CRB1: variants seen among roughly 807,000 people sequenced by gnomAD.
CRB1 encodes the protein crumbs cell polarity complex component 1, also known as protein crumbs homolog 1.
A neutral mutation model predicts 120.0 loss-of-function variants in CRB1; 83 were observed. The observed-to-expected ratio is 0.69, with a 90% CI of 0.58 to 0.83. The LOEUF is 0.83. Ranked by LOEUF, CRB1 falls within the 40% of genes least tolerant of loss-of-function variation. CRB1 has a pLI of 0.00. For synonymous variants in CRB1, 625 were observed against 612.5 expected (o/e 1.02, Z -0.30); for missense variants, 1,699 against 1,687.6 (o/e 1.01, Z -0.12).
At chr1:197,441,316 G>C (rs1397195045) in intron 10 of CRB1, 1 of 152,100 alleles carries the variant, frequency 6.6e-6, no homozygotes, top group Admixed American at 6.5e-5. Flanking sequence ...AATATCCACT[G>C]TGTGACTGAA....
intron 1 of CRB1, among the ~76,000 whole-genome samples, chr1:197,292,541 C>A (rs1364373813): frequency 6.6e-6 from 1 of 152,056 alleles, no homozygotes; most frequent in Non-Finnish European, 1.5e-5. Flanking sequence ...AAGAGGGAAT[C>A]CTCCCTAACT....
intron 5 of CRB1, among the ~76,000 whole-genome samples, chr1:197,386,723 A>C (rs951003367): frequency 6.6e-6 from 1 of 152,152 alleles, no homozygotes; most frequent in African/African-American, 2.4e-5. Context: ...GAAGGGGAGA[A>C]TATACATGGG....
At chr1:197,378,081 TG>T (rs1293084085) in intron 5 of CRB1, among the ~76,000 whole-genome samples, 3 of 152,222 alleles carry the variant, frequency 2.0e-5, no homozygotes, top group Non-Finnish European at 4.4e-5. Flanking sequence ...TTTGTTGACA[TG>T]TAAGTTTTCT....
intron 1 of CRB1, among the ~76,000 whole-genome samples, chr1:197,327,249 GA>G (rs1658571235): frequency 6.6e-6 from 1 of 151,968 alleles, no homozygotes; most frequent in Admixed American, 6.6e-5. Context: ...AAAAGTCAAT[GA>G]AAAGATTGAT....
the CRB1 span, among the ~76,000 whole-genome samples, chr1:197,229,192 C>T: frequency 2.0e-5 from 3 of 152,132 alleles, no homozygotes; most frequent in Admixed American, 6.6e-5. Flanking sequence ...GTGTGCCACC[C>T]AGTCTGTGAT....
chr1:197,270,401 T>G (rs1306592489), intron 1 of CRB1, among the ~76,000 whole-genome samples: 2 of 152,144 alleles, frequency 1.3e-5, no homozygotes, highest in African/African-American at 4.8e-5. Context: ...GTGCAGCCTC[T>G]CAAGTCTAGC....
At chr1:197,337,622 C>T (rs1352488058) in intron 2 of CRB1, among the ~76,000 whole-genome samples, 2 of 152,046 alleles carry the variant, frequency 1.3e-5, no homozygotes, top group African/African-American at 4.8e-5. Flanking sequence ...TAATGAATAC[C>T]TATGGTATCT....
At chr1:197,281,385 T>A (rs1049782706) in intron 1 of CRB1, among the ~76,000 whole-genome samples, 1 of 151,838 alleles carries the variant, frequency 6.6e-6, no homozygotes, top group Non-Finnish European at 1.5e-5. Context: ...GAGGATAATA[T>A]CTGTGCACCA....
At chr1:197,279,537 CTTT>C (rs747284548) in intron 1 of CRB1, among the ~76,000 whole-genome samples, 1 of 130,840 alleles carries the variant, frequency 7.6e-6, no homozygotes. Flanking sequence ...TGTTTTCTGG[CTTT>C]TTTTTTTTTT....
chr1:197,413,591 A>C (rs988964497), intron 5 of CRB1, among the ~76,000 whole-genome samples: 1 of 152,226 alleles, frequency 6.6e-6, no homozygotes, highest in Non-Finnish European at 1.5e-5. Context: ...CAAAATACTT[A>C]TCTGTGTTTA....
chr1:197,297,925 A>G (rs1656631097), intron 1 of CRB1, among the ~76,000 whole-genome samples: 1 of 152,080 alleles, frequency 6.6e-6, no homozygotes, highest in South Asian at 2.1e-4. Context: ...GACCCTGGCC[A>G]GTAGGTTCAT....
At position 197,421,159 on chromosome 1, in the gene CRB1, G is replaced by C; in HGVS notation, c.1331G>C (p.Gly444Ala). The change falls in exon 6 of 12, where the codon GGC (glycine) becomes GCC (alanine). Residue 444 changes from glycine (G) to alanine (A), a missense_variant. Gly to Ala is a moderately conservative substitution (Grantham distance 60). Transcript: ENST00000367400. ...AGGGACTGTTCTGATATTCTCCTGG[G>C]CTGTACCCATCAGCAATGTCTAAAT... ...GGRDCSDILL[G>A]CTHQQCLNNG... 1 of 1,614,124 alleles carries C rather than the reference G, an allele frequency of 6.2e-7. No individual in the cohort carries two copies. Among genetic ancestry groups the C allele is most frequent in the Non-Finnish European group, 8.5e-7 (1 of 1,180,006 alleles).
chr1:197,348,904 T>TTTTAA (rs57588574), intron 4 of CRB1, among the ~76,000 whole-genome samples: 34,991 of 151,870 alleles, frequency 0.23, 7,711 homozygotes, highest in African/African-American at 0.58. Flanking sequence ...TAAGGTTAGT[T>TTTTAA]TTTAAGACAG....
intron 1 of CRB1, among the ~76,000 whole-genome samples, chr1:197,318,366 A>C (rs140022961): frequency 9.2e-5 from 14 of 152,344 alleles, no homozygotes; most frequent in African/African-American, 3.4e-4. Flanking sequence ...GAGGATGTGG[A>C]GAAAAGAGAA....
intron 11 of CRB1, among the ~76,000 whole-genome samples, chr1:197,460,670 C>A (rs774010574): frequency 4.6e-5 from 7 of 152,130 alleles, no homozygotes; most frequent in Non-Finnish European, 8.8e-5. Context: ...TCACACAGTT[C>A]ATTTAACCTC....
intron 9 of CRB1, chr1:197,438,149 G>A: frequency 3.7e-6 from 1 of 272,934 alleles, no homozygotes; most frequent in Middle Eastern, 1.3e-3. Flanking sequence ...GAGTGCTTGG[G>A]TAGTAGAGTG....
the CRB1 span, among the ~76,000 whole-genome samples, chr1:197,244,743 G>GT: frequency 0.015 from 2,214 of 150,952 alleles, 54 homozygotes; most frequent in African/African-American, 0.047. Context: ...TCTTCAAATA[G>GT]TTTTTTTTTC....
intron 11 of CRB1, among the ~76,000 whole-genome samples, chr1:197,472,149 G>A (rs1000134263): frequency 6.6e-6 from 1 of 152,102 alleles, no homozygotes; most frequent in African/African-American, 2.4e-5. Context: ...TTTCAGAAAC[G>A]CACATATTGA....
upstream of CRB1, among the ~76,000 whole-genome samples, chr1:197,264,782 C>T (rs898384557): frequency 3.3e-5 from 5 of 151,468 alleles, no homozygotes; most frequent in East Asian, 1.9e-4. Context: ...CCACCATGCC[C>T]GGCTAACTTT....
Sources: gnomAD v4.1 joint callset for allele counts (sites outside exome capture counted in the v4.1 genomes callset) on GRCh38, gnomAD v4.1.1 for gene constraint, MANE v1.5 for transcripts, NCBI Gene and HGNC (gene_info 2026-07-23, HGNC 2026-07-21) for gene names.